GTF2F2: variants seen among roughly 807,000 people sequenced by gnomAD.
The protein encoded by GTF2F2 is ATP-dependent helicase GTF2F2.
GTF2F2 carries 23 observed loss-of-function variants against 42.2 expected under a neutral mutation model. The observed-to-expected ratio is 0.55, with a 90% CI of 0.39 to 0.77. GTF2F2 has a LOEUF of 0.77. Ranked by LOEUF, GTF2F2 falls within the 30% of genes least tolerant of loss-of-function variation. The pLI, the probability that GTF2F2 is intolerant of heterozygous loss-of-function variation, is 0.00. For synonymous variants in GTF2F2, 105 were observed against 100.8 expected, an observed-to-expected ratio of 1.04 and a Z score of -0.25; for missense variants, 261 against 287.2, an observed-to-expected ratio of 0.91 and a Z score of 0.66.
At chr13:45,202,993 T>G (rs148606367) in intron 4 of GTF2F2, among the ~76,000 whole-genome samples, 6 of 152,244 alleles carry the variant, frequency 3.9e-5, no homozygotes, top group Non-Finnish European at 2.9e-5. Flanking sequence ...AAATGTACAT[T>G]TAGTTGCTGA....
At chr13:45,276,686 C>G (rs1204889504) in intron 7 of GTF2F2, among the ~76,000 whole-genome samples, 1 of 152,198 alleles carries the variant, frequency 6.6e-6, no homozygotes, top group Admixed American at 6.5e-5. Context: ...GGTGATCCAC[C>G]TGCCTCGGCC....
intron 6 of GTF2F2, among the ~76,000 whole-genome samples, chr13:45,256,157 C>A (rs923374093): frequency 6.6e-6 from 1 of 151,896 alleles, no homozygotes; most frequent in African/African-American, 2.4e-5. Flanking sequence ...AAAATCTTCT[C>A]CAATTGTTGA....
intron 4 of GTF2F2, among the ~76,000 whole-genome samples, chr13:45,167,597 A>G (rs534896473): frequency 8.8e-4 from 134 of 152,040 alleles, no homozygotes; most frequent in African/African-American, 3.0e-3. Flanking sequence ...ATGGGGTTCT[A>G]CCATGTTGGC....
chr13:45,207,832 G>C (rs1009847933), intron 5 of GTF2F2, among the ~76,000 whole-genome samples: 6 of 152,108 alleles, frequency 3.9e-5, no homozygotes, highest in South Asian at 2.1e-4. Flanking sequence ...TTCCAGGGCT[G>C]TAATTTTTCC....
At chr13:45,141,230 C>CA (rs1869911756) in intron 2 of GTF2F2, among the ~76,000 whole-genome samples, 1 of 152,154 alleles carries the variant, frequency 6.6e-6, no homozygotes, top group South Asian at 2.1e-4. Context: ...ATGTAAATCT[C>CA]AAGTACCACT....
intron 4 of GTF2F2, among the ~76,000 whole-genome samples, chr13:45,184,021 A>G (rs1329647328): frequency 6.6e-6 from 1 of 151,684 alleles, no homozygotes; most frequent in Non-Finnish European, 1.5e-5. Context: ...AACCCTGGCT[A>G]ATTATTGTAT....
chr13:45,232,532 G>T (rs1032002953), intron 5 of GTF2F2, among the ~76,000 whole-genome samples: 5 of 152,150 alleles, frequency 3.3e-5, no homozygotes, highest in African/African-American at 1.2e-4. Context: ...CTACTCAGGA[G>T]GCTGAGGCAG....
rs557602867 is a variant in GTF2F2, at chr13:45,249,587, A to G, written c.387-3284A>G. 2.0e-5 allele frequency among the ~76,000 whole-genome samples: 3 copies of G among 152,338 alleles called. No individual in the cohort carries two copies. In the South Asian group the frequency reaches 6.2e-4, roughly 32 times the overall value. ...GTGACCAGAATAAGCTACCGTTTAT[A>G]AAGAAGCACTTCACTAAACAAACTG... On this transcript the variant is annotated intron_variant, in intron 5 of 7. Coordinates refer to ENST00000340473, the MANE Select transcript of GTF2F2 (RefSeq NM_004128.3).
At chr13:45,263,064 C>T (rs1453746139) in intron 6 of GTF2F2, among the ~76,000 whole-genome samples, 8 of 151,982 alleles carry the variant, frequency 5.3e-5, no homozygotes, top group Admixed American at 4.6e-4. Flanking sequence ...TAAATTATCC[C>T]GTAGTTAAAC....
At chr13:45,265,825 G>A (rs1876538349) in intron 6 of GTF2F2, among the ~76,000 whole-genome samples, 1 of 152,128 alleles carries the variant, frequency 6.6e-6, no homozygotes. Context: ...GTATCCCATT[G>A]TTTTCGAAGC....
intron 6 of GTF2F2, among the ~76,000 whole-genome samples, chr13:45,265,224 A>G (rs1431857806): frequency 6.6e-6 from 1 of 151,024 alleles, no homozygotes; most frequent in African/African-American, 2.4e-5. Flanking sequence ...GCACCACTGC[A>G]CTCCAGCCTG....
intron 4 of GTF2F2, among the ~76,000 whole-genome samples, chr13:45,181,200 A>AAAACAAAAAAAC (rs1872151394): frequency 3.8e-5 from 5 of 132,904 alleles, no homozygotes; most frequent in African/African-American, 1.4e-4. Flanking sequence ...AAAAAAAAAA[A>AAAACAAAAAAAC]AAACCAGAAA....
intron 5 of GTF2F2, among the ~76,000 whole-genome samples, chr13:45,246,424 A>G (rs1875620427): frequency 6.6e-6 from 1 of 152,204 alleles, no homozygotes; most frequent in Admixed American, 6.5e-5. Flanking sequence ...CTTAGGCACC[A>G]CTTTCTATTG....
intron 4 of GTF2F2, among the ~76,000 whole-genome samples, chr13:45,183,483 AG>A (rs1190023495): frequency 6.6e-6 from 1 of 152,126 alleles, no homozygotes; most frequent in Admixed American, 6.5e-5. Flanking sequence ...GGGAAGGTAA[AG>A]GGACTTTTTA....
At chr13:45,187,548 T>C (rs1872476280) in intron 4 of GTF2F2, among the ~76,000 whole-genome samples, 1 of 152,246 alleles carries the variant, frequency 6.6e-6, no homozygotes, top group Non-Finnish European at 1.5e-5. Flanking sequence ...TAGCCATATT[T>C]TAGATTCATC....
intron 4 of GTF2F2, among the ~76,000 whole-genome samples, chr13:45,169,343 A>G (rs774281759): frequency 3.9e-5 from 6 of 152,194 alleles, no homozygotes; most frequent in Non-Finnish European, 7.3e-5. Context: ...AGGAATGACC[A>G]TGTGAGGAGG....
In GTF2F2 at chr13:45,212,463, C is replaced by CTTT. The variant is rs376424917; in HGVS notation, c.386+4959_386+4961dup. Among the ~76,000 whole-genome samples, 51 of 27,502 alleles carry CTTT rather than the reference C, an allele frequency of 1.9e-3. 2 individuals are homozygous for CTTT. Among genetic ancestry groups the CTTT allele is most frequent in the Non-Finnish European group, 3.2e-3 (42 of 13,082 alleles). 18.0% of individuals were successfully genotyped at this position (27,502 alleles called of 152,430 possible). ...TTCTTTCTTGTTTCTTTCTTTCTTTCTTTCTTTCTTTCTTTCTTTCTTTCT... is the reference window on the plus strand; with the variant it reads ...TTCTTTCTTGTTTCTTTCTTTCTTTCTTTTTTCTTTCTTTCTTTCTTTCTTTCT... On this transcript the variant is annotated intron_variant, in intron 5 of 7. Transcript: ENST00000340473.
At chr13:45,151,061 T>C (rs555028782) in intron 3 of GTF2F2, among the ~76,000 whole-genome samples, 1 of 152,288 alleles carries the variant, frequency 6.6e-6, no homozygotes, top group African/African-American at 2.4e-5. Flanking sequence ...TGGGCTGATA[T>C]TTATTCTGTC....
At chr13:45,131,633 C>T (rs936686835) in intron 1 of GTF2F2, among the ~76,000 whole-genome samples, 21 of 151,962 alleles carry the variant, frequency 1.4e-4, no homozygotes, top group Middle Eastern at 3.2e-3. Context: ...GGACCAGGCA[C>T]GGTGGCTCAT....
Sources: gnomAD v4.1 joint callset for allele counts (sites outside exome capture counted in the v4.1 genomes callset) on GRCh38, gnomAD v4.1.1 for gene constraint, MANE v1.5 for transcripts, NCBI Gene and HGNC (gene_info 2026-07-23, HGNC 2026-07-21) for gene names.